EPB41L4A: variants seen among roughly 807,000 people sequenced by gnomAD.
EPB41L4A encodes the protein erythrocyte membrane protein band 4.1 like 4A.
In EPB41L4A, 100 loss-of-function variants were observed where a neutral mutation model predicts 108.6. The observed-to-expected ratio is 0.92, with a 90% confidence interval of 0.78 to 1.09. The LOEUF (loss-of-function observed/expected upper bound fraction) is 1.09. Among genes scored for constraint, EPB41L4A ranks in the 50% least tolerant of loss-of-function variants. EPB41L4A has a pLI of 0.00. For synonymous variants in EPB41L4A, 319 were observed against 289.0 expected (o/e 1.10, Z -1.05); for missense variants, 1,030 against 842.7 (o/e 1.22, Z -2.75).
rs941997164 is a variant in EPB41L4A at position 112,259,943 on chromosome 5, G to T, written c.679C>A (p.Pro227Thr). The change falls in exon 8 of 23, where the codon CCG becomes ACG. Residue 227 changes from proline to threonine, a missense_variant. Pro to Thr is a conservative substitution (Grantham distance 38, BLOSUM62 -1). Coordinates refer to ENST00000261486, the MANE Select transcript of EPB41L4A (RefSeq NM_022140.5). ...NKSEYFLGLT[P>T]VGVVVYKNKK... ...TTCTTGTACACAACAACACCAACCG[G>T]AGTTAATCCTAAGAAATACTCAGAC... The T allele has an allele frequency of 1.9e-6, 3 of 1,613,966 alleles. No homozygotes were observed. The highest frequency in any genetic ancestry group is 2.5e-6 in the Non-Finnish European group (3 of 1,179,940).
intron 15 of EPB41L4A, among the ~76,000 whole-genome samples, chr5:112,200,712 C>A (rs751939694): frequency 2.0e-5 from 3 of 152,196 alleles, no homozygotes; most frequent in Admixed American, 6.5e-5. Flanking sequence ...AAGCAGGCTT[C>A]AGGGTCTCCA....
At chr5:112,337,439 T>C (rs1756993111) in intron 1 of EPB41L4A, among the ~76,000 whole-genome samples, 1 of 152,208 alleles carries the variant, frequency 6.6e-6, no homozygotes, top group African/African-American at 2.4e-5. Flanking sequence ...CTAACATTTA[T>C]TGAACACTTA....
downstream of EPB41L4A, chr5:112,158,441 AC>A: frequency 2.3e-6 from 1 of 436,216 alleles, no homozygotes; most frequent in Non-Finnish European, 4.6e-6. Flanking sequence ...GTGGTCACAT[AC>A]CTAAGGGAAC....
chr5:112,404,986 A>G (rs1761995293), intron 1 of EPB41L4A, among the ~76,000 whole-genome samples: 1 of 152,176 alleles, frequency 6.6e-6, no homozygotes, highest in African/African-American at 2.4e-5. Flanking sequence ...AACTCATCTG[A>G]GGACTATGCA....
At chr5:112,161,641 G>C (rs76805610), downstream of EPB41L4A, 115 of 518,852 alleles carry the variant, frequency 2.2e-4, no homozygotes, top group Non-Finnish European at 3.7e-4. Flanking sequence ...TTCCACGCGT[G>C]ATCTTGACCC....
chr5:112,339,487 T>TCTATATATATATATAGATATATAG (rs1561585035), intron 1 of EPB41L4A, among the ~76,000 whole-genome samples: 6 of 28,904 alleles, frequency 2.1e-4, no homozygotes, highest in African/African-American at 4.1e-4. Flanking sequence ...TATATATATA[T>TCTATATATATATATAGATATATAG]ATATATATCT....
Position 112,266,241 on chromosome 5 carries a change from G to A in EPB41L4A, c.425C>T (p.Ala142Val), listed in dbSNP as rs1221717741. Residue 142 changes from alanine (A) to valine (V), a missense_variant, in exon 5 of 23, where the codon GCC becomes GTC. Coordinates refer to ENST00000261486, the MANE Select transcript of EPB41L4A (RefSeq NM_022140.5). Reference protein sequence around the residue: ...VNTAAQLGAYAIQSELGDYDP... With the variant: ...VNTAAQLGAYVIQSELGDYDP... ...GCTTAAGTGGCACCTACACTGGATG[G>A]CATACGCTCCCAGCTGAGCAGCAGT... 3.1e-6 allele frequency: 5 copies of A among 1,606,840 alleles called. No individual in the cohort carries two copies. The highest frequency in any genetic ancestry group is 4.2e-6 in the Non-Finnish European group (5 of 1,176,946).
intron 1 of EPB41L4A, among the ~76,000 whole-genome samples, chr5:112,356,555 A>C (rs1418605105): frequency 6.6e-6 from 1 of 152,250 alleles, no homozygotes; most frequent in African/African-American, 2.4e-5. Flanking sequence ...AAGAAACATA[A>C]GAAAACATCT....
At chr5:112,212,423 G>A (rs1453136268) in intron 12 of EPB41L4A, among the ~76,000 whole-genome samples, 1 of 151,824 alleles carries the variant, frequency 6.6e-6, no homozygotes, top group African/African-American at 2.4e-5. Context: ...CTCCCAAGTA[G>A]CTGGGATTAC....
intron 1 of EPB41L4A, among the ~76,000 whole-genome samples, chr5:112,311,235 TGGCTCAAGAGGCA>T (rs1394389197): frequency 1.3e-5 from 2 of 152,164 alleles, no homozygotes; most frequent in African/African-American, 4.8e-5. Flanking sequence ...TATGTATGTT[TGGCTCAAGAGGCA>T]GGCCAGTATC....
chr5:112,183,049 C>T (rs181678035), intron 18 of EPB41L4A, among the ~76,000 whole-genome samples: 195 of 152,186 alleles, frequency 1.3e-3, no homozygotes, highest in South Asian at 5.0e-3. Context: ...GAAAGGTAAA[C>T]ATCTAAGACT....
At chr5:112,331,610 G>T (rs1756572001) in intron 1 of EPB41L4A, among the ~76,000 whole-genome samples, 1 of 152,210 alleles carries the variant, frequency 6.6e-6, no homozygotes. Context: ...GGTGAAGGCT[G>T]CCCAAGCGGG....
intron 15 of EPB41L4A, among the ~76,000 whole-genome samples, chr5:112,201,492 C>T (rs756879053): frequency 7.9e-5 from 12 of 152,064 alleles, no homozygotes; most frequent in Middle Eastern, 3.2e-3. Context: ...CATATTTTAG[C>T]AAAATGTAAT....
chr5:112,200,643 T>C (rs1274534089), intron 15 of EPB41L4A, among the ~76,000 whole-genome samples: 1 of 152,146 alleles, frequency 6.6e-6, no homozygotes, highest in Admixed American at 6.5e-5. Context: ...GGAGTGAAAA[T>C]ATATTGTACT....
intron 1 of EPB41L4A, among the ~76,000 whole-genome samples, chr5:112,377,215 G>GGA (rs796162950): frequency 3.0e-4 from 31 of 101,722 alleles, no homozygotes; most frequent in Middle Eastern, 5.7e-3. Flanking sequence ...CTGTTTGTTT[G>GGA]AAAAAAAAAA....
chr5:112,183,188 G>A (rs1031040511), intron 18 of EPB41L4A, among the ~76,000 whole-genome samples: 3 of 151,992 alleles, frequency 2.0e-5, no homozygotes, highest in Non-Finnish European at 4.4e-5. Context: ...TCACCCTCCT[G>A]CCTGGCTCCC....
chr5:112,382,206 C>A (rs1489500177), intron 1 of EPB41L4A, among the ~76,000 whole-genome samples: 1 of 152,080 alleles, frequency 6.6e-6, no homozygotes, highest in African/African-American at 2.4e-5. Context: ...TAACCACAAT[C>A]TAAACATATT....
intron 18 of EPB41L4A, among the ~76,000 whole-genome samples, chr5:112,181,996 C>A (rs1185851551): frequency 6.6e-6 from 1 of 151,810 alleles, no homozygotes; most frequent in African/African-American, 2.4e-5. Context: ...TGGCTTGAAC[C>A]CGGGAGGCAG....
At chr5:112,324,720 T>TAAAAAAAAAAAA (rs60242363) in intron 1 of EPB41L4A, among the ~76,000 whole-genome samples, 1 of 101,758 alleles carries the variant, frequency 9.8e-6, no homozygotes, top group Non-Finnish European at 2.1e-5. Flanking sequence ...AGAGTCTGTC[T>TAAAAAAAAAAAA]AAAAAAAAAA....
Sources: gnomAD v4.1 joint callset for allele counts (sites outside exome capture counted in the v4.1 genomes callset) on GRCh38, gnomAD v4.1.1 for gene constraint, MANE v1.5 for transcripts, NCBI Gene and HGNC (gene_info 2026-07-23, HGNC 2026-07-21) for gene names.